ELMO1: variants seen among roughly 807,000 people sequenced by gnomAD.
ELMO1 encodes engulfment and cell motility 1.
A neutral mutation model predicts 98.9 loss-of-function variants in ELMO1; 26 were observed. That is an observed-to-expected ratio of 0.26 (90% CI 0.19 to 0.36). The LOEUF is 0.36. Among genes scored for constraint, ELMO1 ranks in the 10% least tolerant of loss-of-function variants. The pLI is 1.00. For missense variants in ELMO1, 627 were observed against 935.2 expected (o/e 0.67, Z 4.30); for synonymous variants, 346 against 346.0 (o/e 1.00, Z 0.00).
At chr7:36,948,918 C>T (rs1001019967) in intron 16 of ELMO1, among the ~76,000 whole-genome samples, 3 of 152,094 alleles carry the variant, frequency 2.0e-5, no homozygotes, top group South Asian at 2.1e-4. Context: ...TGCAATGGTA[C>T]GATCTTGGCT....
chr7:37,319,020 G>T (rs553722413), intron 2 of ELMO1, among the ~76,000 whole-genome samples: 1 of 152,076 alleles, frequency 6.6e-6, no homozygotes, highest in South Asian at 2.1e-4. Flanking sequence ...TCTAATTCCA[G>T]ATTTCTTTTC....
At chr7:37,380,466 C>T (rs535030496) in intron 1 of ELMO1, among the ~76,000 whole-genome samples, 1 of 152,290 alleles carries the variant, frequency 6.6e-6, no homozygotes. Context: ...GATAGGATGA[C>T]CATATGACCC....
intron 15 of ELMO1, among the ~76,000 whole-genome samples, chr7:37,077,401 C>G (rs546001934): frequency 9.2e-5 from 14 of 152,110 alleles, no homozygotes; most frequent in Non-Finnish European, 5.9e-5. Flanking sequence ...AGAGGAAGCA[C>G]GTCACACTGA....
intron 1 of ELMO1, among the ~76,000 whole-genome samples, chr7:37,370,425 C>T (rs1054314406): frequency 7.2e-5 from 11 of 152,114 alleles, no homozygotes; most frequent in Non-Finnish European, 1.2e-4. Flanking sequence ...GAACTTGTTA[C>T]GTTTTTCTCT....
chr7:37,239,117 T>G (rs1794625170), intron 7 of ELMO1, among the ~76,000 whole-genome samples: 1 of 152,206 alleles, frequency 6.6e-6, no homozygotes, highest in Non-Finnish European at 1.5e-5. Flanking sequence ...TAATATAGAA[T>G]TCACCAGTGT....
At chr7:36,878,824 T>G (rs1477772154) in intron 18 of ELMO1, among the ~76,000 whole-genome samples, 1 of 152,206 alleles carries the variant, frequency 6.6e-6, no homozygotes, top group East Asian at 1.9e-4. Context: ...ACTGCCTCAG[T>G]CTCTCAAAAG....
chr7:36,938,056 C>T (rs79027848), intron 16 of ELMO1, among the ~76,000 whole-genome samples: 3,429 of 152,292 alleles, frequency 0.023, 125 homozygotes, highest in African/African-American at 0.078. Context: ...GTTTATGAAA[C>T]ATCCTCCATC....
At chr7:37,319,993 C>A (rs564764695) in intron 2 of ELMO1, among the ~76,000 whole-genome samples, 9 of 152,112 alleles carry the variant, frequency 5.9e-5, no homozygotes, top group African/African-American at 1.9e-4. Flanking sequence ...TGGTGGCTCA[C>A]GCCTGTAATC....
chr7:37,027,740 G>C (rs1322836383), intron 15 of ELMO1, among the ~76,000 whole-genome samples: 1 of 151,992 alleles, frequency 6.6e-6, no homozygotes, highest in Non-Finnish European at 1.5e-5. Context: ...GGCGCTCTTA[G>C]CACATGAACA....
chr7:37,398,570 C>T (rs1313192112), intron 1 of ELMO1, among the ~76,000 whole-genome samples: 1 of 152,200 alleles, frequency 6.6e-6, no homozygotes, highest in East Asian at 1.9e-4. Flanking sequence ...CAAAAGTCAA[C>T]CTTTCTATGC....
intron 14 of ELMO1, among the ~76,000 whole-genome samples, chr7:37,112,215 CAA>C (rs1391854854): frequency 6.6e-6 from 1 of 152,020 alleles, no homozygotes. Context: ...GGTTCCTGCT[CAA>C]AAATTTCATG....
chr7:37,288,581 G>A (rs1797518647), intron 4 of ELMO1, among the ~76,000 whole-genome samples: 1 of 152,130 alleles, frequency 6.6e-6, no homozygotes, highest in Non-Finnish European at 1.5e-5. Context: ...TCTTGGCCAA[G>A]GCCTACAGAT....
intron 15 of ELMO1, among the ~76,000 whole-genome samples, chr7:37,089,409 C>T (rs1334268172): frequency 2.0e-5 from 3 of 152,082 alleles, no homozygotes; most frequent in African/African-American, 7.2e-5. Flanking sequence ...TATAAACGGT[C>T]AAACAGGTGA....
At chr7:36,970,180 AAC>A (rs56928749) in intron 16 of ELMO1, among the ~76,000 whole-genome samples, 13,559 of 144,064 alleles carry the variant, frequency 0.094, 650 homozygotes, top group East Asian at 0.17. Context: ...TCATACACTT[AAC>A]ACACACACAC....
intron 18 of ELMO1, among the ~76,000 whole-genome samples, chr7:36,881,083 T>C (rs1209894710): frequency 6.6e-6 from 1 of 152,298 alleles, no homozygotes; most frequent in South Asian, 2.1e-4. Flanking sequence ...CAGATATAAG[T>C]GATGTGTTCC....
At chr7:37,376,094 CA>C (rs1386555118) in intron 1 of ELMO1, 3 of 340,068 alleles carry the variant, frequency 8.8e-6, no homozygotes, top group African/African-American at 6.4e-5. Context: ...AACAAACAAA[CA>C]AACAAAAAAA....
At chr7:36,865,638 C>T (rs916125956) in intron 20 of ELMO1, among the ~76,000 whole-genome samples, 3 of 152,228 alleles carry the variant, frequency 2.0e-5, no homozygotes, top group Admixed American at 6.5e-5. Context: ...TCCTCATTCT[C>T]TGCCTGGCCA....
At chr7:37,161,933 T>TATATATATATATATATATATATATATATA (rs1554429665) in intron 13 of ELMO1, among the ~76,000 whole-genome samples, 1 of 117,252 alleles carries the variant, frequency 8.5e-6, no homozygotes. Flanking sequence ...TATATATATA[T>TATATATATATATATATATATATATATATA]ATGTTAAGCG....
chr7:37,004,892 T>C (rs1036093938), intron 16 of ELMO1, among the ~76,000 whole-genome samples: 3 of 151,714 alleles, frequency 2.0e-5, no homozygotes, highest in Admixed American at 6.6e-5. Flanking sequence ...GGGTGGATCA[T>C]GAGGTCAGGA....
Sources: gnomAD v4.1 joint callset for allele counts (sites outside exome capture counted in the v4.1 genomes callset) on GRCh38, gnomAD v4.1.1 for gene constraint, MANE v1.5 for transcripts, NCBI Gene and HGNC (gene_info 2026-07-23, HGNC 2026-07-21) for gene names.